NEK6: variants seen among roughly 807,000 people sequenced by gnomAD.
NEK6 encodes the protein serine/threonine-protein kinase Nek6.
In NEK6, 27 loss-of-function variants were observed where a neutral mutation model predicts 43.5. That is an observed-to-expected ratio of 0.62 (90% CI 0.46 to 0.86). The LOEUF (loss-of-function observed/expected upper bound fraction) is 0.86. Among genes scored for constraint, NEK6 ranks in the 40% least tolerant of loss-of-function variants. The pLI is 0.00. For missense variants in NEK6, 318 were observed against 414.4 expected, an observed-to-expected ratio of 0.77 and a Z score of 2.02; for synonymous variants, 167 against 164.1, an observed-to-expected ratio of 1.02 and a Z score of -0.14.
chr9:124,345,934 G>T (rs1829902877), intron 8 of NEK6, among the ~76,000 whole-genome samples: 1 of 152,200 alleles, frequency 6.6e-6, no homozygotes, highest in African/African-American at 2.4e-5. Context: ...CCCGCTCCTG[G>T]TCAGGTCAGC....
At chr9:124,325,314 C>T (rs1308491686) in intron 5 of NEK6, among the ~76,000 whole-genome samples, 1 of 152,226 alleles carries the variant, frequency 6.6e-6, no homozygotes, top group African/African-American at 2.4e-5. Flanking sequence ...CCTCTTAGGC[C>T]CGGCATGGTG....
At chr9:124,322,650 C>A (rs1834129019) in intron 5 of NEK6, among the ~76,000 whole-genome samples, 1 of 152,222 alleles carries the variant, frequency 6.6e-6, no homozygotes, top group African/African-American at 2.4e-5. Flanking sequence ...CCTCTGTCCC[C>A]AGGGCCCTGC....
In NEK6 at chr9:124,313,992, A is replaced by G. The variant is rs56045213; in HGVS notation, c.294+7A>G. On this transcript the variant is annotated splice_region_variant and intron_variant, in intron 4 of 9. Coordinates refer to ENST00000320246, the MANE Select transcript of NEK6 (RefSeq NM_014397.6). ...GGAGATCGGCCTCTTGAAGGTGAGC[A>G]CCCTGGGCCGAGCGGGAGCTTTGCC... The G allele has an allele frequency of 0.033, 52,572 of 1,613,742 alleles. 1,977 individuals are homozygous for G. Among genetic ancestry groups the G allele is most frequent in the African/African-American group, 0.19 (14,230 of 75,018 alleles).
At chr9:124,292,182 A>G (rs1029952639) in intron 1 of NEK6, 3 of 1,257,726 alleles carry the variant, frequency 2.4e-6, no homozygotes, top group East Asian at 3.7e-5. Flanking sequence ...AGGGACCTCC[A>G]GGGCTGGAGC....
chr9:124,282,701 A>T (rs184531993), intron 1 of NEK6, among the ~76,000 whole-genome samples: 255 of 152,314 alleles, frequency 1.7e-3, no homozygotes, highest in African/African-American at 5.5e-3. Flanking sequence ...TGCATCCCAG[A>T]TTCATTCCTA....
At chr9:124,346,924 C>T (rs543722091) in intron 8 of NEK6, among the ~76,000 whole-genome samples, 26 of 152,356 alleles carry the variant, frequency 1.7e-4, no homozygotes, top group South Asian at 4.1e-4. Context: ...GTGCCTCCTC[C>T]GTGTGCCAGC....
In NEK6 at chr9:124,327,323, C is replaced by T. The variant is rs1834393077; in HGVS notation, c.515-15C>T. On this transcript the variant is annotated splice_polypyrimidine_tract_variant and intron_variant, in intron 6 of 9. Coordinates refer to ENST00000320246, the MANE Select transcript of NEK6 (RefSeq NM_014397.6). ...CCTCCTACCCCACACCAATCTCCTT[C>T]TCCTCGCCCTGCAGACATCAAGCCT... The T allele has an allele frequency of 3.1e-6, 5 of 1,611,364 alleles. No homozygotes were observed. The highest frequency in any genetic ancestry group is 2.7e-5 in the African/African-American group (2 of 74,860).
intron 7 of NEK6, among the ~76,000 whole-genome samples, chr9:124,338,799 C>T (rs1244081568): frequency 2.0e-5 from 3 of 152,232 alleles, no homozygotes; most frequent in African/African-American, 7.2e-5. Context: ...CCTCATAGCA[C>T]TGTTGGGAAC....
At chr9:124,288,074 G>A (rs1189675732) in intron 1 of NEK6, among the ~76,000 whole-genome samples, 3 of 152,302 alleles carry the variant, frequency 2.0e-5, no homozygotes, top group Non-Finnish European at 4.4e-5. Context: ...AGCCTCTCTC[G>A]CCCTCCCAAA....
intron 4 of NEK6, among the ~76,000 whole-genome samples, chr9:124,314,675 G>T (rs1198401902): frequency 6.7e-6 from 1 of 150,168 alleles, no homozygotes; most frequent in Non-Finnish European, 1.5e-5. Flanking sequence ...TATTTCTTTT[G>T]TTTTTTTTTG....
intron 1 of NEK6, among the ~76,000 whole-genome samples, chr9:124,260,386 TTTTATTTA>T (rs906935947): frequency 6.6e-6 from 1 of 152,016 alleles, no homozygotes; most frequent in Non-Finnish European, 1.5e-5. Context: ...CCCCATTTAT[TTTTATTTA>T]TTTATTTATT....
chr9:124,318,767 G>A (rs1833933041), intron 4 of NEK6, among the ~76,000 whole-genome samples: 1 of 152,112 alleles, frequency 6.6e-6, no homozygotes, highest in Non-Finnish European at 1.5e-5. Context: ...CGTCTCCCGG[G>A]TTCAAGCGAT....
intron 8 of NEK6, among the ~76,000 whole-genome samples, chr9:124,346,888 C>G (rs554960093): frequency 2.0e-5 from 3 of 152,356 alleles, no homozygotes; most frequent in African/African-American, 4.8e-5. Context: ...CTCACCTCAT[C>G]AAAGGCGGTC....
Position 124,349,642 on chromosome 9 carries a change from A to G in NEK6, c.832-1195A>G, listed in dbSNP as rs533069666. On this transcript the variant is annotated intron_variant, in intron 9 of 9. Transcript: ENST00000320246. ...TGAATTCTGAAAACTTCAAACATGCACTTATTGACAACTGTGCGTTTACTT... is the reference window on the plus strand; with the variant it reads ...TGAATTCTGAAAACTTCAAACATGCGCTTATTGACAACTGTGCGTTTACTT... Among the ~76,000 whole-genome samples the G allele has an allele frequency of 5.3e-5, 8 of 152,354 alleles. No homozygotes were observed. The East Asian group carries it at 1.5e-3, about 29-fold the overall frequency.
chr9:124,328,343 C>A (rs1828778614), intron 7 of NEK6, among the ~76,000 whole-genome samples: 2 of 152,136 alleles, frequency 1.3e-5, no homozygotes, highest in African/African-American at 4.8e-5. Flanking sequence ...TTCACCACGC[C>A]CATCTGTGGG....
intron 9 of NEK6, among the ~76,000 whole-genome samples, chr9:124,348,744 G>A (rs4838168): frequency 0.066 from 10,012 of 152,272 alleles, 931 homozygotes; most frequent in East Asian, 0.45. Flanking sequence ...CAAGGTCAAC[G>A]CTAGTGGGTG....
chr9:124,294,762 C>T (rs200183343), intron 1 of NEK6, among the ~76,000 whole-genome samples: 4 of 152,032 alleles, frequency 2.6e-5, no homozygotes, highest in African/African-American at 9.7e-5. Flanking sequence ...GGTGTGCGGA[C>T]CTTTTGCTGT....
chr9:124,270,007 G>A (rs1170506626), intron 1 of NEK6, among the ~76,000 whole-genome samples: 2 of 152,004 alleles, frequency 1.3e-5, no homozygotes, highest in African/African-American at 2.4e-5. Flanking sequence ...AGAGCCAACC[G>A]CAGCATCCCT....
At chr9:124,350,406 T>C (rs949323954) in intron 9 of NEK6, among the ~76,000 whole-genome samples, 25 of 151,700 alleles carry the variant, frequency 1.6e-4, no homozygotes, top group African/African-American at 5.8e-4. Context: ...GTGGGCAGAC[T>C]GCAGCCCTGC....
Sources: gnomAD v4.1 joint callset for allele counts (sites outside exome capture counted in the v4.1 genomes callset) on GRCh38, gnomAD v4.1.1 for gene constraint, MANE v1.5 for transcripts, NCBI Gene and HGNC (gene_info 2026-07-23, HGNC 2026-07-21) for gene names.